The following SHROOM2 variants were observed in gnomAD, a reference collection of about 807,000 sequenced individuals.
SHROOM2 encodes the protein shroom family member 2.
In SHROOM2, 33 loss-of-function variants were observed where a neutral mutation model predicts 75.9. The observed-to-expected ratio is 0.43, with a 90% CI of 0.33 to 0.58. The LOEUF (loss-of-function observed/expected upper bound fraction) is 0.58, where lower values mean the gene tolerates loss of function less well. SHROOM2 is among the 20% of genes least tolerant of loss of function. The probability of loss-of-function intolerance (pLI) is 0.04; values close to 1 mark genes in which losing one functional copy is unlikely to be tolerated. For synonymous variants in SHROOM2, 655 were observed against 663.6 expected (o/e 0.99, Z 0.20); for missense variants, 1,434 against 1,461.2 (o/e 0.98, Z 0.30).
chrX:9,823,869 C>G (rs1393826641), intron 1 of SHROOM2, among the ~76,000 whole-genome samples: 3 of 107,348 alleles, frequency 2.8e-5, no homozygotes, highest in Non-Finnish European at 3.8e-5. Flanking sequence ...AGTGATCCTC[C>G]CACCTCAGCC....
rs372285834 is a variant in SHROOM2 at position 9,894,823 on chromosome X, C to G, written c.915C>G (p.Pro305=). 18 of 1,210,587 alleles carry G rather than the reference C, an allele frequency of 1.5e-5. No homozygotes were observed. Among genetic ancestry groups the G allele is most frequent in the Non-Finnish European group, 2.0e-5 (18 of 895,201 alleles). The change falls in exon 4 of 10, where the codon CCC becomes CCG. Residue 305 remains proline, a synonymous_variant. Transcript: ENST00000380913. ...RSNFGPVWYV[P]DKKKAPSSPP... ...ATTTTGGGCCAGTCTGGTATGTTCC[C>G]GATAAGAAGAAAGCACCATCATCCC...
intron 5 of SHROOM2, among the ~76,000 whole-genome samples, chrX:9,917,675 C>T (rs1280409298): frequency 9.0e-6 from 1 of 111,385 alleles, no homozygotes; most frequent in Non-Finnish European, 1.9e-5. Context: ...CATGCGCCAC[C>T]ACGCCCAGCT....
chrX:9,817,915 C>T (rs2083831972), intron 1 of SHROOM2, among the ~76,000 whole-genome samples: 1 of 112,125 alleles, frequency 8.9e-6, no homozygotes, highest in South Asian at 3.7e-4. Context: ...TTAAGTCATT[C>T]AGAGCCAAAT....
intron 1 of SHROOM2, among the ~76,000 whole-genome samples, chrX:9,856,838 A>G (rs1385040464): frequency 8.9e-6 from 1 of 112,415 alleles, no homozygotes; most frequent in Non-Finnish European, 1.9e-5. Flanking sequence ...CTTTGATTGC[A>G]GAGACAAAGG....
chrX:9,869,109 A>G (rs1263626719), intron 1 of SHROOM2, among the ~76,000 whole-genome samples: 3 of 110,725 alleles, frequency 2.7e-5, no homozygotes, highest in Non-Finnish European at 3.8e-5. Context: ...GGCATGCGCC[A>G]CCATGCCCAG....
At chrX:9,793,139 C>G (rs2083676399) in intron 1 of SHROOM2, among the ~76,000 whole-genome samples, 1 of 111,883 alleles carries the variant, frequency 8.9e-6, no homozygotes, top group Non-Finnish European at 1.9e-5. Context: ...TGATCACTTC[C>G]CCCTCCCTAG....
At chrX:9,906,919 C>T (rs765310135) in intron 5 of SHROOM2, among the ~76,000 whole-genome samples, 5 of 112,524 alleles carry the variant, frequency 4.4e-5, no homozygotes, top group African/African-American at 1.6e-4. Context: ...GTCCCTGCTG[C>T]GACCACTCAG....
chrX:9,931,660 T>C (rs1446798684), intron 5 of SHROOM2, among the ~76,000 whole-genome samples: 1 of 111,163 alleles, frequency 9.0e-6, no homozygotes, highest in African/African-American at 3.3e-5. Context: ...AGAGCCTTTG[T>C]TGGTCTTAAT....
At chrX:9,855,919 A>G (rs2084067764) in intron 1 of SHROOM2, among the ~76,000 whole-genome samples, 2 of 111,590 alleles carry the variant, frequency 1.8e-5, no homozygotes, top group African/African-American at 6.5e-5. Context: ...AGCGCACTAA[A>G]AATCTTCCTA....
chrX:9,793,166 G>A (rs1476972733), intron 1 of SHROOM2, among the ~76,000 whole-genome samples: 1 of 111,985 alleles, frequency 8.9e-6, no homozygotes, highest in African/African-American at 3.2e-5. Context: ...CTATCAAAAC[G>A]TCTTAGCTGA....
In SHROOM2 at chrX:9,890,958, C is replaced by T. The variant is rs776409706; in HGVS notation, c.318-19C>T. ...GTGTGCAGTCCCTGACCCCCCGCCT[C>T]CCCTGCGTTCTTTTCTAGGAGGAGC... On this transcript the variant is annotated intron_variant, in intron 2 of 9. Transcript: ENST00000380913. 3 of 1,191,513 alleles carry T rather than the reference C, an allele frequency of 2.5e-6. 1 individual carries two copies. In the African/African-American group the frequency reaches 5.2e-5, roughly 21 times the overall value.
chrX:9,830,697 G>C (rs746111159), intron 1 of SHROOM2, among the ~76,000 whole-genome samples: 1 of 99,950 alleles, frequency 1.0e-5, no homozygotes, highest in East Asian at 3.3e-4. Flanking sequence ...CACCTCTTGG[G>C]TTCGAGCGAT....
At chrX:9,792,148 ATAGAATAGAAT>A (rs2083666699) in intron 1 of SHROOM2, among the ~76,000 whole-genome samples, 1 of 26,031 alleles carries the variant, frequency 3.8e-5, no homozygotes, top group African/African-American at 1.1e-4. Flanking sequence ...ATAGAATAGA[ATAGAATAGAAT>A]AATCACCAGT....
intron 5 of SHROOM2, among the ~76,000 whole-genome samples, chrX:9,909,553 G>A (rs951416111): frequency 2.3e-4 from 26 of 112,060 alleles, no homozygotes; most frequent in Non-Finnish European, 4.3e-4. Context: ...CAGGCGATCA[G>A]GGCCAACGTT....
At chrX:9,944,612 G>C (rs752141849) in intron 8 of SHROOM2, 29 bp from the exon 9 acceptor site, 8 of 1,187,673 alleles carry the variant, frequency 6.7e-6, no homozygotes, top group African/African-American at 1.7e-5. Context: ...CAGTGTCTCC[G>C]TGTTCCCTTG....
At chrX:9,893,352 C>G (rs943820052) in intron 3 of SHROOM2, among the ~76,000 whole-genome samples, 8 of 111,656 alleles carry the variant, frequency 7.2e-5, no homozygotes, top group Non-Finnish European at 1.3e-4. Context: ...CTCAAGTGAT[C>G]CTCCAGCCTC....
At chrX:9,813,519 G>A (rs1158145234) in intron 1 of SHROOM2, among the ~76,000 whole-genome samples, 1 of 111,303 alleles carries the variant, frequency 9.0e-6, no homozygotes, top group Non-Finnish European at 1.9e-5. Flanking sequence ...TCTCATTGGG[G>A]AAGGATGGGA....
chrX:9,937,797 G>T (rs1339813994), intron 7 of SHROOM2, 112 bp downstream of exon 7: 1 of 705,967 alleles, frequency 1.4e-6, no homozygotes, highest in East Asian at 3.6e-5. Context: ...GGGGAAGACG[G>T]GTTTTCATAA....
chrX:9,908,076 G>A (rs1377287635), intron 5 of SHROOM2, among the ~76,000 whole-genome samples: 5 of 112,646 alleles, frequency 4.4e-5, no homozygotes, highest in East Asian at 5.6e-4. Flanking sequence ...AATAGTTCGC[G>A]ATTATCTTGC....
Sources: gnomAD v4.1 joint callset for allele counts (sites outside exome capture counted in the v4.1 genomes callset) on GRCh38, gnomAD v4.1.1 for gene constraint, MANE v1.5 for transcripts, NCBI Gene and HGNC (gene_info 2026-07-23, HGNC 2026-07-21) for gene names.